The following QKI variants were observed in gnomAD, a reference collection of about 807,000 sequenced individuals.
QKI encodes the protein KH domain-containing RNA-binding protein QKI.
A neutral mutation model predicts 39.0 loss-of-function variants in QKI; 10 were observed. That is an observed-to-expected ratio of 0.26 (90% CI 0.16 to 0.43). The LOEUF (loss-of-function observed/expected upper bound fraction) is 0.43, where lower values mean the gene tolerates loss of function less well. Ranked by LOEUF, QKI falls within the 20% of genes least tolerant of loss-of-function variation. The pLI is 1.00. For missense variants in QKI, 218 were observed against 428.0 expected (o/e 0.51, Z 4.33); for synonymous variants, 204 against 155.4 (o/e 1.31, Z -2.33).
intron 1 of QKI, among the ~76,000 whole-genome samples, chr6:163,452,797 G>A (rs369471971): frequency 1.3e-5 from 2 of 151,912 alleles, no homozygotes; most frequent in African/African-American, 4.8e-5. Context: ...GCACCATCTC[G>A]GCTCACTGAA....
chr6:163,561,594 C>T (rs547760609), intron 4 of QKI, among the ~76,000 whole-genome samples: 1 of 152,222 alleles, frequency 6.6e-6, no homozygotes, highest in East Asian at 1.9e-4. Context: ...GGTAACAGAG[C>T]AAGACCCTGT....
chr6:163,453,100 T>G (rs559756276), intron 1 of QKI, among the ~76,000 whole-genome samples: 3 of 152,130 alleles, frequency 2.0e-5, no homozygotes, highest in African/African-American at 7.2e-5. Flanking sequence ...CTTTTGTTTT[T>G]TTTTTTTCTA....
intron 2 of QKI, among the ~76,000 whole-genome samples, chr6:163,466,321 T>C (rs1791751124): frequency 6.6e-6 from 1 of 152,122 alleles, no homozygotes; most frequent in Non-Finnish European, 1.5e-5. Context: ...TTTCCATACT[T>C]CCCAAAGCAA....
At chr6:163,477,757 A>G (rs1036870252) in intron 2 of QKI, among the ~76,000 whole-genome samples, 1 of 152,168 alleles carries the variant, frequency 6.6e-6, no homozygotes, top group Non-Finnish European at 1.5e-5. Flanking sequence ...TCACTTTTCT[A>G]AGGTGTGACA....
chr6:163,526,448 T>A (rs1250136513), intron 3 of QKI, among the ~76,000 whole-genome samples: 3 of 152,212 alleles, frequency 2.0e-5, no homozygotes, highest in Non-Finnish European at 2.9e-5. Flanking sequence ...AAAGGATTCT[T>A]TTAATGCTGT....
chr6:163,577,038 A>C lies in QKI; in HGVS notation c.*6328A>C, dbSNP rs1319434317. 2 of 152,348 alleles carry C rather than the reference A, an allele frequency of 1.3e-5. No homozygotes were observed. Among genetic ancestry groups the C allele is most frequent in the African/African-American group, 4.8e-5 (2 of 41,580 alleles). 9.4% of individuals were successfully genotyped at this position (152,348 alleles called of 1,614,324 possible). On this transcript the variant is annotated 3_prime_UTR_variant, in exon 8 of 8. Coordinates refer to ENST00000361752, the MANE Select transcript of QKI (RefSeq NM_006775.3). ...ATGCTGACCAAAACTTGATTTCATCAGCTTCATGAAAAGGACTAGTGTCAT... is the reference window on the plus strand; with the variant it reads ...ATGCTGACCAAAACTTGATTTCATCCGCTTCATGAAAAGGACTAGTGTCAT...
chr6:163,507,085 A>AG (rs771556275), intron 3 of QKI, among the ~76,000 whole-genome samples: 86 of 152,338 alleles, frequency 5.6e-4, no homozygotes, highest in Non-Finnish European at 1.0e-3. Context: ...GTCTCACAAG[A>AG]GTAAACGATG....
chr6:163,494,643 C>T (rs892202575), intron 3 of QKI, among the ~76,000 whole-genome samples: 21 of 143,784 alleles, frequency 1.5e-4, no homozygotes, highest in African/African-American at 4.2e-4. Context: ...CTTAGTGTCA[C>T]GTTTTGGGTT....
intron 3 of QKI, 31 bp from the exon 4 acceptor site, chr6:163,534,951 A>C (rs775886361): frequency 3.3e-6 from 5 of 1,534,294 alleles, no homozygotes; most frequent in Non-Finnish European, 8.8e-7. Flanking sequence ...AAAGAGAATA[A>C]TTTTAATCAT....
intron 6 of QKI, chr6:163,564,811 T>C: frequency 6.3e-7 from 1 of 1,592,680 alleles, no homozygotes; most frequent in Non-Finnish European, 8.6e-7. Context: ...CCAGACAAAA[T>C]TTGAATACTT....
intron 3 of QKI, among the ~76,000 whole-genome samples, chr6:163,493,289 C>T (rs574612309): frequency 2.6e-5 from 4 of 152,176 alleles, no homozygotes; most frequent in Admixed American, 6.5e-5. Context: ...TGCCACCACT[C>T]CCAGCTAATT....
chr6:163,485,218 A>G (rs1221869528), intron 3 of QKI, among the ~76,000 whole-genome samples: 1 of 152,206 alleles, frequency 6.6e-6, no homozygotes, highest in Non-Finnish European at 1.5e-5. Context: ...TGCATTCAGT[A>G]TGGTATGGTG....
chr6:163,439,361 G>GA (rs1562434580), intron 1 of QKI, among the ~76,000 whole-genome samples: 2 of 147,468 alleles, frequency 1.4e-5, no homozygotes, highest in African/African-American at 5.0e-5. Flanking sequence ...TTTTCGGGGG[G>GA]GTGGGGGACG....
intron 4 of QKI, among the ~76,000 whole-genome samples, chr6:163,535,520 G>A (rs1781141273): frequency 1.2e-5 from 1 of 80,926 alleles, no homozygotes; most frequent in Non-Finnish European, 2.2e-5. Context: ...TACTCCCAGA[G>A]TATAATTTTT....
chr6:163,482,900 G>A (rs932579643), intron 3 of QKI, among the ~76,000 whole-genome samples: 25 of 152,108 alleles, frequency 1.6e-4, no homozygotes, highest in African/African-American at 5.6e-4. Context: ...CCCTTCCTTA[G>A]AGGTTGGGGA....
chr6:163,528,434 T>C (rs988029798), intron 3 of QKI, among the ~76,000 whole-genome samples: 3 of 152,114 alleles, frequency 2.0e-5, no homozygotes, highest in African/African-American at 7.2e-5. Flanking sequence ...GTAAAGTTGC[T>C]CTGGCTAGGT....
chr6:163,437,684 G>A (rs1582985723), intron 1 of QKI, among the ~76,000 whole-genome samples: 1 of 152,172 alleles, frequency 6.6e-6, no homozygotes, highest in East Asian at 1.9e-4. Context: ...ATGCTTTTCA[G>A]TTTTTTGTTT....
At chr6:163,510,593 T>C (rs572798001) in intron 3 of QKI, among the ~76,000 whole-genome samples, 47 of 152,118 alleles carry the variant, frequency 3.1e-4, no homozygotes, top group African/African-American at 1.1e-3. Flanking sequence ...AGAGAAATAC[T>C]AGACACAGGT....
chr6:163,421,753 T>C (rs982010631), intron 1 of QKI, among the ~76,000 whole-genome samples: 2 of 151,762 alleles, frequency 1.3e-5, no homozygotes, highest in African/African-American at 4.8e-5. Context: ...CTTTTTTCTT[T>C]TTTTTTTTTC....
Sources: allele counts gnomAD v4.1 joint callset (sites outside exome capture counted in the v4.1 genomes callset), GRCh38; gene constraint gnomAD v4.1.1; transcripts MANE v1.5; gene names NCBI Gene and HGNC (gene_info 2026-07-23, HGNC 2026-07-21).